The following ICA1 variants were observed in gnomAD, a reference collection of about 807,000 sequenced individuals.
ICA1 encodes the protein 69 kDa islet cell autoantigen.
Under a neutral mutation model 71.0 loss-of-function variants are expected in ICA1, and 40 were observed. That is an observed-to-expected ratio of 0.56 (90% CI 0.44 to 0.73). ICA1 has a LOEUF of 0.73. ICA1 is among the 30% of genes least tolerant of loss of function. The pLI is 0.00. For missense variants in ICA1, 578 were observed against 576.5 expected (o/e 1.00, Z -0.03); for synonymous variants, 207 against 209.5 (o/e 0.99, Z 0.10).
At chr7:8,211,732 T>G (rs1405260699) in intron 6 of ICA1, among the ~76,000 whole-genome samples, 1 of 152,198 alleles carries the variant, frequency 6.6e-6, no homozygotes, top group African/African-American at 2.4e-5. Context: ...ACCTCACACT[T>G]TCTTAATCTC....
intron 6 of ICA1, among the ~76,000 whole-genome samples, chr7:8,191,271 T>G (rs1054534083): frequency 6.6e-6 from 1 of 152,194 alleles, no homozygotes; most frequent in South Asian, 2.1e-4. Flanking sequence ...AGCTACAACA[T>G]AAATACAGTA....
At chr7:8,183,434 G>A (rs1379837717) in intron 6 of ICA1, among the ~76,000 whole-genome samples, 1 of 152,212 alleles carries the variant, frequency 6.6e-6, no homozygotes, top group South Asian at 2.1e-4. Context: ...ATGTGTATAT[G>A]TTAGAGGGAG....
chr7:8,232,275 T>C (rs766859855), intron 3 of ICA1, among the ~76,000 whole-genome samples: 93 of 152,222 alleles, frequency 6.1e-4, no homozygotes, highest in African/African-American at 2.1e-3. Context: ...TCTAGTGTTC[T>C]AAATCTGACT....
chr7:8,166,058 C>T (rs1281620794), intron 6 of ICA1, among the ~76,000 whole-genome samples: 1 of 152,146 alleles, frequency 6.6e-6, no homozygotes, highest in Non-Finnish European at 1.5e-5. Flanking sequence ...GCCTAAATAG[C>T]CAACGTAGTC....
chr7:8,184,992 T>C (rs1262451772), intron 6 of ICA1, among the ~76,000 whole-genome samples: 1 of 151,958 alleles, frequency 6.6e-6, no homozygotes, highest in Non-Finnish European at 1.5e-5. Flanking sequence ...GAGAATTGTT[T>C]GAACCTGGGA....
intron 4 of ICA1, chr7:8,227,631 A>C: frequency 2.8e-6 from 1 of 360,958 alleles, no homozygotes; most frequent in Non-Finnish European, 5.3e-6. Context: ...TTTCTAAGAG[A>C]TCTCACCTTC....
chr7:8,146,736 CGTGTGCGTGTGTGTGTGT>C (rs1272746188), intron 8 of ICA1, among the ~76,000 whole-genome samples: 2 of 23,746 alleles, frequency 8.4e-5, no homozygotes, highest in Non-Finnish European at 1.4e-4. Context: ...CGTGTGTGTG[CGTGTGCGTGTGTGTGTGT>C]GTGTGTGTGT....
chr7:8,238,593 T>TAGGTTAGC (rs1397976748), intron 1 of ICA1, among the ~76,000 whole-genome samples: 1 of 152,216 alleles, frequency 6.6e-6, no homozygotes, highest in Non-Finnish European at 1.5e-5. Flanking sequence ...TCATATTCTG[T>TAGGTTAGC]AGGTTAGCTT....
chr7:8,136,202 G>A (rs145115117), intron 12 of ICA1, among the ~76,000 whole-genome samples: 6 of 152,146 alleles, frequency 3.9e-5, no homozygotes, highest in African/African-American at 9.6e-5. Flanking sequence ...TGTCACGAGC[G>A]GTCTGCTTTT....
intron 6 of ICA1, among the ~76,000 whole-genome samples, chr7:8,196,024 T>C (rs1407164522): frequency 6.7e-6 from 1 of 149,944 alleles, no homozygotes; most frequent in Non-Finnish European, 1.5e-5. Context: ...CCAAAAACAA[T>C]AACAACAAAA....
intron 13 of ICA1, among the ~76,000 whole-genome samples, chr7:8,118,967 A>G (rs1785723708): frequency 6.6e-6 from 1 of 152,196 alleles, no homozygotes; most frequent in Admixed American, 6.5e-5. Flanking sequence ...AGATTTTAGC[A>G]AACTCTGAGT....
At chr7:8,258,722 G>C (rs1208093807) in intron 1 of ICA1, among the ~76,000 whole-genome samples, 1 of 152,152 alleles carries the variant, frequency 6.6e-6, no homozygotes, top group East Asian at 1.9e-4. Context: ...TTAGTTATTT[G>C]TGAAAATTAC....
intron 6 of ICA1, among the ~76,000 whole-genome samples, chr7:8,175,309 T>C (rs1016442577): frequency 6.6e-6 from 1 of 152,196 alleles, no homozygotes; most frequent in Non-Finnish European, 1.5e-5. Context: ...CGGTTAATCA[T>C]CAGTATTTTG....
intron 6 of ICA1, among the ~76,000 whole-genome samples, chr7:8,199,700 G>A (rs1016421298): frequency 2.0e-5 from 3 of 152,156 alleles, no homozygotes; most frequent in Non-Finnish European, 2.9e-5. Flanking sequence ...ATGACAGAGC[G>A]AGACTCTGTC....
intron 10 of ICA1, among the ~76,000 whole-genome samples, chr7:8,139,396 T>C (rs1472503510): frequency 2.0e-5 from 3 of 152,164 alleles, no homozygotes; most frequent in African/African-American, 7.2e-5. Flanking sequence ...AAAAGGTAGA[T>C]TACTAAGTGA....
intron 6 of ICA1, among the ~76,000 whole-genome samples, chr7:8,195,199 A>C (rs749873808): frequency 6.6e-6 from 1 of 152,226 alleles, no homozygotes; most frequent in Non-Finnish European, 1.5e-5. Flanking sequence ...GAATGGCAAA[A>C]ATCCAAAATA....
intron 6 of ICA1, among the ~76,000 whole-genome samples, chr7:8,194,398 T>C (rs1443178507): frequency 1.3e-5 from 2 of 152,238 alleles, no homozygotes; most frequent in African/African-American, 4.8e-5. Flanking sequence ...TAACATCTTG[T>C]TTTCAATTTT....
intron 6 of ICA1, among the ~76,000 whole-genome samples, chr7:8,195,808 T>A (rs527616564): frequency 2.8e-4 from 42 of 152,018 alleles, no homozygotes; most frequent in African/African-American, 8.4e-4. Flanking sequence ...TGAAACCCCA[T>A]CTCTACTAAA....
chr7:8,168,051 G>A (rs62433163), intron 6 of ICA1, among the ~76,000 whole-genome samples: 6 of 151,532 alleles, frequency 4.0e-5, no homozygotes, highest in South Asian at 2.1e-4. Flanking sequence ...AGAGAGAGAC[G>A]GAGAGACTGA....
Sources: allele counts gnomAD v4.1 joint callset (sites outside exome capture counted in the v4.1 genomes callset), GRCh38; gene constraint gnomAD v4.1.1; transcripts MANE v1.5; gene names NCBI Gene and HGNC (gene_info 2026-07-23, HGNC 2026-07-21).